Variants in PLBD1 observed in about 807,000 individuals in gnomAD.
The protein encoded by PLBD1 is lysosomal leucine aminopeptidase.
In PLBD1, 60 loss-of-function variants were observed where a neutral mutation model predicts 63.0. The ratio of observed to expected loss-of-function variants is 0.95; its 90% CI spans 0.77 to 1.18. The LOEUF (loss-of-function observed/expected upper bound fraction) is 1.18, where lower values mean the gene tolerates loss of function less well. PLBD1 is among the 50% of genes most tolerant of loss of function. The pLI, the probability that PLBD1 is intolerant of heterozygous loss-of-function variation, is 0.00. For synonymous variants in PLBD1, 262 were observed against 248.0 expected, an observed-to-expected ratio of 1.06 and a Z score of -0.53; for missense variants, 598 against 677.9, an observed-to-expected ratio of 0.88 and a Z score of 1.31.
At chr12:14,527,369 A>T (rs1439434160) in intron 6 of PLBD1, among the ~76,000 whole-genome samples, 1 of 152,204 alleles carries the variant, frequency 6.6e-6, no homozygotes, top group Non-Finnish European at 1.5e-5. Flanking sequence ...ATATTGTGCT[A>T]CTTTGAATCT....
At chr12:14,561,361 T>C (rs1945741167) in intron 1 of PLBD1, among the ~76,000 whole-genome samples, 1 of 152,024 alleles carries the variant, frequency 6.6e-6, no homozygotes, top group Non-Finnish European at 1.5e-5. Context: ...AAGTCAACTT[T>C]GCCCCATTCT....
chr12:14,510,292 G>T (rs1945287090), intron 8 of PLBD1, among the ~76,000 whole-genome samples: 1 of 152,098 alleles, frequency 6.6e-6, no homozygotes, highest in Admixed American at 6.5e-5. Context: ...TACTCAGGAG[G>T]CTGAGACAGG....
chr12:14,524,814 T>G (rs1945404676), intron 6 of PLBD1, among the ~76,000 whole-genome samples: 2 of 152,190 alleles, frequency 1.3e-5, no homozygotes, highest in Non-Finnish European at 1.5e-5. Context: ...AATATGGTTT[T>G]AAGAGTTACC....
In PLBD1 at chr12:14,531,863, A is replaced by G. The variant is rs182446803; in HGVS notation, c.844+3796T>C. On this transcript the variant is annotated intron_variant, in intron 6 of 10. Coordinates refer to ENST00000240617, the MANE Select transcript of PLBD1 (RefSeq NM_024829.6). ...GCCCAGGTCTCAAACTCCTGAGCTC[A>G]AGATAATCCGCCCACCCTGGCCTCC... Among the ~76,000 whole-genome samples the G allele has an allele frequency of 1.0e-3, 155 of 152,220 alleles. 1 individual carries two copies. Among genetic ancestry groups the G allele is most frequent in the African/African-American group, 3.6e-3 (151 of 41,542 alleles).
intron 1 of PLBD1, among the ~76,000 whole-genome samples, chr12:14,566,077 C>T (rs887978858): frequency 3.3e-5 from 5 of 152,144 alleles, no homozygotes; most frequent in African/African-American, 1.2e-4. Flanking sequence ...TAATCTCACT[C>T]GTCCAAAAAA....
At chr12:14,559,649 A>G (rs1413909396) in intron 1 of PLBD1, among the ~76,000 whole-genome samples, 1 of 152,188 alleles carries the variant, frequency 6.6e-6, no homozygotes, top group Non-Finnish European at 1.5e-5. Flanking sequence ...GAATTCAAAC[A>G]TTTTAACAGC....
At chr12:14,554,339 C>T (rs1233080800) in intron 1 of PLBD1, 1 of 152,184 alleles carries the variant, frequency 6.6e-6, no homozygotes, top group African/African-American at 2.4e-5. Context: ...AAAGCTCCCT[C>T]TCTCGGCAGT....
chr12:14,533,722 G>C (rs551986967), intron 6 of PLBD1, among the ~76,000 whole-genome samples: 1 of 152,330 alleles, frequency 6.6e-6, no homozygotes, highest in East Asian at 1.9e-4. Context: ...AACTCAGAGA[G>C]AGGAGTCCCC....
intron 10 of PLBD1, 111 bp from the exon 11 acceptor site, chr12:14,504,065 T>C (rs531234620): frequency 2.8e-6 from 3 of 1,083,754 alleles, no homozygotes; most frequent in African/African-American, 3.2e-5. Context: ...AGCTTTTTTT[T>C]TGAGTCGGAG....
At chr12:14,545,495 T>C (rs2136927078) in intron 2 of PLBD1, among the ~76,000 whole-genome samples, 1 of 152,362 alleles carries the variant, frequency 6.6e-6, no homozygotes. Flanking sequence ...ATATTTTCCC[T>C]ATAATTTGCT....
intron 4 of PLBD1, among the ~76,000 whole-genome samples, chr12:14,540,389 A>C (rs1197703290): frequency 6.6e-6 from 1 of 151,822 alleles, no homozygotes; most frequent in Non-Finnish European, 1.5e-5. Flanking sequence ...GTTTATGTGA[A>C]TGTTGTGGAG....
chr12:14,520,639 G>A (rs1232563597), intron 6 of PLBD1, among the ~76,000 whole-genome samples: 1 of 152,126 alleles, frequency 6.6e-6, no homozygotes, highest in Non-Finnish European at 1.5e-5. Context: ...ATAAGGGAGG[G>A]GCAGAGACCC....
At chr12:14,508,726 C>T (rs900188524) in intron 8 of PLBD1, among the ~76,000 whole-genome samples, 1 of 152,126 alleles carries the variant, frequency 6.6e-6, no homozygotes, top group Non-Finnish European at 1.5e-5. Context: ...GCCGAGATCA[C>T]GCAGCTGCAA....
At chr12:14,513,401 T>G (rs1027776492) in intron 6 of PLBD1, among the ~76,000 whole-genome samples, 1 of 152,210 alleles carries the variant, frequency 6.6e-6, no homozygotes, top group Non-Finnish European at 1.5e-5. Flanking sequence ...AGAAATACAT[T>G]AAAACAAATA....
At chr12:14,530,926 G>A (rs1016011117) in intron 6 of PLBD1, 2 of 152,232 alleles carry the variant, frequency 1.3e-5, no homozygotes, top group African/African-American at 4.8e-5. Flanking sequence ...GTTAGGGACA[G>A]AAACTCCTAG....
intron 6 of PLBD1, among the ~76,000 whole-genome samples, chr12:14,524,427 C>T (rs1945401474): frequency 6.6e-6 from 1 of 152,020 alleles, no homozygotes; most frequent in African/African-American, 2.4e-5. Context: ...TAAATATGTA[C>T]AATTATATGT....
intron 6 of PLBD1, among the ~76,000 whole-genome samples, chr12:14,533,390 A>T (rs1255853591): frequency 6.6e-6 from 1 of 152,224 alleles, no homozygotes; most frequent in African/African-American, 2.4e-5. Flanking sequence ...TGGAGATTCA[A>T]TTGCTCCAAA....
At chr12:14,550,742 G>A (rs966147151) in intron 2 of PLBD1, among the ~76,000 whole-genome samples, 94 of 152,120 alleles carry the variant, frequency 6.2e-4, no homozygotes, top group African/African-American at 2.2e-3. Flanking sequence ...GCCAGGCGTG[G>A]TGGCTCATGC....
chr12:14,529,013 G>A (rs888521076), intron 6 of PLBD1, among the ~76,000 whole-genome samples: 2 of 151,946 alleles, frequency 1.3e-5, no homozygotes, highest in Non-Finnish European at 2.9e-5. Flanking sequence ...CTAGCTTCAC[G>A]CGTGAATTCT....
Sources: gnomAD v4.1 joint callset for allele counts (sites outside exome capture counted in the v4.1 genomes callset) on GRCh38, gnomAD v4.1.1 for gene constraint, MANE v1.5 for transcripts, NCBI Gene and HGNC (gene_info 2026-07-23, HGNC 2026-07-21) for gene names.